ARHGAP12: variants seen among roughly 807,000 people sequenced by gnomAD.
The protein encoded by ARHGAP12 is Rho GTPase activating protein 12.
A neutral mutation model predicts 108.6 loss-of-function variants in ARHGAP12; 64 were observed. That is an observed-to-expected ratio of 0.59 (90% CI 0.48 to 0.73). The LOEUF is 0.73. ARHGAP12 is among the 30% of genes least tolerant of loss of function. ARHGAP12 has a pLI of 0.00. For missense variants in ARHGAP12, 940 were observed against 1,005.9 expected (o/e 0.93, Z 0.89); for synonymous variants, 312 against 337.2 (o/e 0.93, Z 0.82).
chr10:31,876,620 T>C (rs1305951213), intron 3 of ARHGAP12, among the ~76,000 whole-genome samples: 7 of 150,394 alleles, frequency 4.7e-5, no homozygotes, highest in Admixed American at 4.6e-4. Flanking sequence ...CTGAAGACCA[T>C]TAATCCAAAA....
chr10:31,910,308 T>C (rs1839291413), intron 2 of ARHGAP12, among the ~76,000 whole-genome samples: 1 of 152,166 alleles, frequency 6.6e-6, no homozygotes, highest in Non-Finnish European at 1.5e-5. Flanking sequence ...TAATTTTCTA[T>C]AGCAAACAAG....
intron 1 of ARHGAP12, among the ~76,000 whole-genome samples, chr10:31,923,464 T>C (rs1029463375): frequency 3.9e-5 from 6 of 152,216 alleles, no homozygotes; most frequent in Non-Finnish European, 7.3e-5. Context: ...CTTAGGTATT[T>C]ACCAACAAAA....
intron 3 of ARHGAP12, among the ~76,000 whole-genome samples, chr10:31,863,710 C>T (rs1837218021): frequency 6.6e-6 from 1 of 151,820 alleles, no homozygotes; most frequent in Non-Finnish European, 1.5e-5. Context: ...ATGAAACAAG[C>T]ACAGATATTA....
At chr10:31,919,873 CT>C (rs1325506373) in intron 1 of ARHGAP12, among the ~76,000 whole-genome samples, 1 of 151,666 alleles carries the variant, frequency 6.6e-6, no homozygotes, top group Non-Finnish European at 1.5e-5. Context: ...CATCCCAGCA[CT>C]TTGGGAGGAT....
intron 10 of ARHGAP12, among the ~76,000 whole-genome samples, chr10:31,827,814 A>G (rs1835675216): frequency 6.6e-6 from 1 of 152,014 alleles, no homozygotes. Flanking sequence ...CAAAAACAAA[A>G]AAAAAACCAC....
At chr10:31,808,831 T>C in intron 18 of ARHGAP12, 80 bp from the exon 19 acceptor site, 1 of 1,476,802 alleles carries the variant, frequency 6.8e-7, no homozygotes, top group Non-Finnish European at 9.4e-7. Context: ...GAAGCTGATA[T>C]TTGGTAATAC....
At chr10:31,912,823 G>A (rs1839405841) in intron 1 of ARHGAP12, among the ~76,000 whole-genome samples, 2 of 152,036 alleles carry the variant, frequency 1.3e-5, no homozygotes, top group Non-Finnish European at 1.5e-5. Flanking sequence ...CCACATAGCA[G>A]GAACTACATG....
chr10:31,850,457 T>C (rs1277081410), intron 6 of ARHGAP12, among the ~76,000 whole-genome samples: 1 of 152,212 alleles, frequency 6.6e-6, no homozygotes, highest in Non-Finnish European at 1.5e-5. Context: ...ATATAAGTTA[T>C]TACATATTTT....
chr10:31,852,729 C>CTTTTTTTTTTTTTTTTTTTTT (rs398013156), intron 5 of ARHGAP12, 132 bp from the exon 6 acceptor site: 1 of 208,020 alleles, frequency 4.8e-6, no homozygotes, highest in Non-Finnish European at 8.5e-6. Context: ...ACAAAAAATT[C>CTTTTTTTTTTTTTTTTTTTTT]TTTTTTTTTT....
intron 10 of ARHGAP12, among the ~76,000 whole-genome samples, chr10:31,827,247 T>C (rs1835649888): frequency 6.6e-6 from 1 of 152,206 alleles, no homozygotes; most frequent in South Asian, 2.1e-4. Flanking sequence ...TTTATGTAAA[T>C]GTTTCTCTCT....
intron 4 of ARHGAP12, among the ~76,000 whole-genome samples, chr10:31,855,758 A>C (rs1836863557): frequency 6.6e-6 from 1 of 152,218 alleles, no homozygotes; most frequent in African/African-American, 2.4e-5. Context: ...ACTTTTTCAA[A>C]GATATGACTT....
intron 1 of ARHGAP12, among the ~76,000 whole-genome samples, chr10:31,927,735 C>G (rs559088261): frequency 6.6e-6 from 1 of 152,288 alleles, no homozygotes; most frequent in South Asian, 2.1e-4. Context: ...CAGCTGCAGT[C>G]AAAAGGAAAA....
At chr10:31,923,937 A>G (rs1431838819) in intron 1 of ARHGAP12, among the ~76,000 whole-genome samples, 1 of 152,236 alleles carries the variant, frequency 6.6e-6, no homozygotes, top group Non-Finnish European at 1.5e-5. Context: ...CTTGTTATAC[A>G]GCAATTATAC....
At chr10:31,907,904 A>G (rs1839201657) in intron 3 of ARHGAP12, among the ~76,000 whole-genome samples, 1 of 152,198 alleles carries the variant, frequency 6.6e-6, no homozygotes, top group Admixed American at 6.5e-5. Flanking sequence ...TACATAATCA[A>G]TAGAGAAAAG....
intron 3 of ARHGAP12, among the ~76,000 whole-genome samples, chr10:31,889,624 T>TG (rs1378271425): frequency 5.3e-5 from 7 of 133,026 alleles, no homozygotes; most frequent in African/African-American, 2.2e-4. Context: ...TTCTCGTTTT[T>TG]TTTTTTTTTT....
intron 3 of ARHGAP12, among the ~76,000 whole-genome samples, chr10:31,862,662 CCT>C (rs1837159414): frequency 6.6e-6 from 1 of 150,998 alleles, no homozygotes; most frequent in South Asian, 2.1e-4. Flanking sequence ...TATCAGCTTC[CCT>C]GACCTCTAAC....
At chr10:31,822,199 A>G (rs1346409513) in intron 11 of ARHGAP12, among the ~76,000 whole-genome samples, 2 of 152,248 alleles carry the variant, frequency 1.3e-5, no homozygotes, top group Non-Finnish European at 2.9e-5. Flanking sequence ...ATCACAAAGA[A>G]AACAGAATTA....
chr10:31,897,717 A>G, intron 3 of ARHGAP12, among the ~76,000 whole-genome samples: 1 of 152,198 alleles, frequency 6.6e-6, no homozygotes, highest in East Asian at 1.9e-4. Flanking sequence ...GCTTTCAACC[A>G]AAAATTGCAA....
intron 3 of ARHGAP12, among the ~76,000 whole-genome samples, chr10:31,882,236 T>C (rs1837998450): frequency 6.6e-6 from 1 of 152,208 alleles, no homozygotes; most frequent in Admixed American, 6.5e-5. Flanking sequence ...ATGTTTAAAA[T>C]ATTTTAGTAG....
Sources: allele counts gnomAD v4.1 joint callset (sites outside exome capture counted in the v4.1 genomes callset), GRCh38; gene constraint gnomAD v4.1.1; transcripts MANE v1.5; gene names NCBI Gene and HGNC (gene_info 2026-07-23, HGNC 2026-07-21).